DIP2A: variants seen among roughly 807,000 people sequenced by gnomAD.
The protein encoded by DIP2A is DIP2 acetate--CoA ligase A.
A neutral mutation model predicts 177.4 loss-of-function variants in DIP2A; 85 were observed. That is an observed-to-expected ratio of 0.48 (90% CI 0.40 to 0.57). DIP2A has a LOEUF of 0.57. Ranked by LOEUF, DIP2A falls within the 20% of genes least tolerant of loss-of-function variation. DIP2A has a pLI of 0.00. For synonymous variants in DIP2A, 886 were observed against 881.8 expected, an observed-to-expected ratio of 1.00 and a Z score of -0.08; for missense variants, 1,791 against 2,100.2, an observed-to-expected ratio of 0.85 and a Z score of 2.88.
chr21:46,579,703 A>C, the DIP2A span, among the ~76,000 whole-genome samples: 1 of 152,152 alleles, frequency 6.6e-6, no homozygotes, highest in South Asian at 2.1e-4. Flanking sequence ...CCTTAATTTT[A>C]TTGTTTACCC....
chr21:46,576,971 A>T, the DIP2A span, among the ~76,000 whole-genome samples: 6 of 151,706 alleles, frequency 4.0e-5, no homozygotes, highest in Admixed American at 2.0e-4. Flanking sequence ...CTTTTTAATG[A>T]GGTTGGTTTT....
At chr21:46,527,318 A>C (rs1314651660) in intron 8 of DIP2A, among the ~76,000 whole-genome samples, 2 of 124,172 alleles carry the variant, frequency 1.6e-5, no homozygotes, top group Non-Finnish European at 3.2e-5. Flanking sequence ...CAGTGGTTTG[A>C]GTTGAGGTTT....
At chr21:46,560,689 T>C in intron 32 of DIP2A, 33 bp from the exon 33 acceptor site, 3 of 1,590,858 alleles carry the variant, frequency 1.9e-6, no homozygotes, top group Non-Finnish European at 8.6e-7. Flanking sequence ...GTGAGGCCCC[T>C]GAACAGAAGT....
chr21:46,511,330 CAA>C (rs1308277722), intron 7 of DIP2A, 85 bp from the exon 8 acceptor site: 2 of 1,330,706 alleles, frequency 1.5e-6, no homozygotes, highest in East Asian at 2.6e-5. Flanking sequence ...GATTAAAAAA[CAA>C]TATTATAAAC....
At position 46,558,315 on chromosome 21, in the gene DIP2A, C is replaced by A; in HGVS notation, c.3891C>A (p.Leu1297=). The stretch of plus-strand genomic sequence containing the variant: ...CGCTGACCCAGTCCTTCTCCAAGCT[C>A]TTCAAGGACCTGGGCCTGCCGGCCC... ...RIALTQSFSK[L]FKDLGLPARA... Residue 1297 remains leucine (L), a synonymous_variant, in exon 32 of 38, where the codon CTC becomes CTA. Coordinates refer to ENST00000417564, the MANE Select transcript of DIP2A (RefSeq NM_015151.4). 1.9e-6 allele frequency: 3 copies of A among 1,603,576 alleles called. No individual in the cohort carries two copies. Among genetic ancestry groups the A allele is most frequent in the Non-Finnish European group, 2.5e-6 (3 of 1,176,608 alleles).
At chr21:46,516,061 T>G (rs1030267434) in intron 8 of DIP2A, among the ~76,000 whole-genome samples, 1 of 152,200 alleles carries the variant, frequency 6.6e-6, no homozygotes, top group African/African-American at 2.4e-5. Context: ...AGATATTGTT[T>G]ATAGGCTTTT....
chr21:46,489,440 AC>A (rs2056883380), intron 2 of DIP2A, among the ~76,000 whole-genome samples: 1 of 151,110 alleles, frequency 6.6e-6, no homozygotes, highest in Non-Finnish European at 1.5e-5. Context: ...CTGGCTCCCC[AC>A]CCCTGCCTGT....
intron 1 of DIP2A, among the ~76,000 whole-genome samples, chr21:46,483,755 ACAG>A (rs1426377925): frequency 4.6e-5 from 7 of 152,236 alleles, no homozygotes; most frequent in Non-Finnish European, 7.3e-5. Context: ...CTTCTGATTC[ACAG>A]CAGCCTTACT....
At chr21:46,558,529 A>G (rs2060554306) in intron 32 of DIP2A, 136 bp downstream of exon 32, 1 of 851,138 alleles carries the variant, frequency 1.2e-6, no homozygotes, top group South Asian at 1.6e-5. Flanking sequence ...TCTCATTTCC[A>G]TGTAACATTT....
At chr21:46,476,158 G>C (rs1461103112) in intron 1 of DIP2A, among the ~76,000 whole-genome samples, 1 of 151,792 alleles carries the variant, frequency 6.6e-6, no homozygotes, top group Admixed American at 6.6e-5. Flanking sequence ...AGGCAGAATG[G>C]TGTGAACCCG....
At chr21:46,558,007 G>A (rs932606395) in intron 31 of DIP2A, among the ~76,000 whole-genome samples, 1 of 152,326 alleles carries the variant, frequency 6.6e-6, no homozygotes, top group Non-Finnish European at 1.5e-5. Flanking sequence ...GTGGAAGTCT[G>A]GCCGCGTGGG....
At chr21:46,500,723 G>A (rs553050013) in intron 5 of DIP2A, among the ~76,000 whole-genome samples, 27 of 152,318 alleles carry the variant, frequency 1.8e-4, no homozygotes, top group African/African-American at 6.0e-4. Flanking sequence ...ATGTTTAACC[G>A]TACAGCCCTC....
rs748528843 is a variant in DIP2A at position 46,537,524 on chromosome 21, G to A, written c.1786G>A (p.Val596Met). ...GAACCCACTCTCCTGGATCCAGAAA[G>A]TGTGCTTCTATAAAGGTAACGGATA... is the stretch of plus-strand genomic sequence containing the variant. Reference protein sequence around the residue: ...KANPLSWIQKVCFYKARAALV... With the variant: ...KANPLSWIQKMCFYKARAALV... Residue 596 changes from valine (V) to methionine (M), a missense_variant, in exon 15 of 38, where the codon GTG becomes ATG. Coordinates refer to ENST00000417564, the MANE Select transcript of DIP2A (RefSeq NM_015151.4). The surrounding 1 kb of genome is among the most constrained non-coding windows in gnomAD (Gnocchi z 4.1). 2.5e-6 allele frequency: 4 copies of A among 1,614,224 alleles called. No homozygotes were observed. The highest frequency in any genetic ancestry group is 3.4e-6 in the Non-Finnish European group (4 of 1,180,048).
chr21:46,499,727 A>G (rs2057547683), intron 5 of DIP2A, among the ~76,000 whole-genome samples: 1 of 152,156 alleles, frequency 6.6e-6, no homozygotes, highest in Admixed American at 6.5e-5. Context: ...GGCATGTGAA[A>G]CCCACATACA....
chr21:46,468,281 A>AG (rs71319555), intron 1 of DIP2A, among the ~76,000 whole-genome samples: 91 of 149,762 alleles, frequency 6.1e-4, no homozygotes, highest in Non-Finnish European at 8.2e-4. Flanking sequence ...AAAAAAAAAA[A>AG]GCTGGGTGTG....
chr21:46,558,359 T>G lies in DIP2A; in HGVS notation c.3935T>G (p.Phe1312Cys). 1 of 1,603,778 alleles carries G rather than the reference T, an allele frequency of 6.2e-7. No homozygotes were observed. The highest frequency in any genetic ancestry group is 2.3e-5 in the East Asian group (1 of 44,370). The change falls in exon 32 of 38, where the codon TTC (phenylalanine) becomes TGC (cysteine). Residue 1312 changes from phenylalanine to cysteine, a missense_variant. Transcript: ENST00000417564. Reference protein sequence around the residue: ...GLPARAVSTTFGCRVNVAICL... With the variant: ...GLPARAVSTTCGCRVNVAICL... Reference sequence around the variant, plus strand: ...CCGGCCCGCGCCGTAAGCACCACGTTCGGGTGCAGGGTCAACGTGGCCATC... The same window carrying G: ...CCGGCCCGCGCCGTAAGCACCACGTGCGGGTGCAGGGTCAACGTGGCCATC...
At chr21:46,561,695 C>T in intron 33 of DIP2A, 53 bp from the exon 34 acceptor site, 1 of 1,594,628 alleles carries the variant, frequency 6.3e-7, no homozygotes, top group Non-Finnish European at 8.6e-7. Flanking sequence ...CCCTTTCAGA[C>T]ATTACTACCT....
Position 46,540,083 on chromosome 21 carries a change from G to T in DIP2A, c.2036+92G>T, listed in dbSNP as rs2059749593. On this transcript the variant is annotated intron_variant, in intron 17 of 37. Transcript: ENST00000417564. ...CTGGAGCTGTGCCTGTGCCTGTTAG[G>T]ATCCAGGCCCATTTGTGCAGTAGTA... The T allele has an allele frequency of 2.8e-6, 3 of 1,057,578 alleles. No individual in the cohort carries two copies. In the African/African-American group the frequency reaches 4.7e-5, roughly 16 times the overall value. The allele number at this position is 1,057,578 out of a possible 1,614,324, so 65.5% of individuals were successfully genotyped here.
chr21:46,555,074 G>A (rs963987299), intron 28 of DIP2A, 141 bp downstream of exon 28: 155 of 824,616 alleles, frequency 1.9e-4, no homozygotes, highest in Non-Finnish European at 2.4e-4. Context: ...GGGGTGCCCC[G>A]GGCCCTGGTG....
Sources: allele counts gnomAD v4.1 joint callset (sites outside exome capture counted in the v4.1 genomes callset), GRCh38; gene constraint gnomAD v4.1.1; non-coding constraint Gnocchi (gnomAD v3.1); transcripts MANE v1.5; gene names NCBI Gene and HGNC (gene_info 2026-07-23, HGNC 2026-07-21).